ITIH2: variants seen among roughly 807,000 people sequenced by gnomAD.
The protein encoded by ITIH2 is inter-alpha-trypsin inhibitor heavy chain H2.
ITIH2 carries 103 observed loss-of-function variants against 104.4 expected under a neutral mutation model. The ratio of observed to expected loss-of-function variants is 0.99; its 90% CI spans 0.84 to 1.16. The LOEUF (loss-of-function observed/expected upper bound fraction) is 1.16. Ranked by LOEUF, ITIH2 falls within the 50% of genes most tolerant of loss-of-function variation. The pLI is 0.00. For missense variants in ITIH2, 1,108 were observed against 1,162.4 expected (o/e 0.95, Z 0.68); for synonymous variants, 436 against 435.4 (o/e 1.00, Z -0.02).
chr10:7,732,211 T>A, intron 13 of ITIH2, 127 bp from the exon 14 acceptor site: 10 of 1,136,050 alleles, frequency 8.8e-6, no homozygotes, highest in Non-Finnish European at 1.3e-5. Context: ...TGCATTTCCT[T>A]CCTCCGTAGG....
intron 6 of ITIH2, among the ~76,000 whole-genome samples, chr10:7,720,306 T>C (rs1172828433): frequency 1.3e-5 from 2 of 151,952 alleles, no homozygotes; most frequent in Admixed American, 6.6e-5. Flanking sequence ...TCAAAATAAT[T>C]ACACAAAAAT....
At chr10:7,723,007 G>A (rs1472083645) in intron 8 of ITIH2, among the ~76,000 whole-genome samples, 2 of 150,740 alleles carry the variant, frequency 1.3e-5, no homozygotes, top group African/African-American at 4.9e-5. Flanking sequence ...GCGTGAAGTC[G>A]GGTGGAGTGG....
chr10:7,719,708 C>G (rs906305264), intron 6 of ITIH2, among the ~76,000 whole-genome samples: 4 of 121,348 alleles, frequency 3.3e-5, no homozygotes, highest in Admixed American at 1.1e-4. Context: ...CTGCAGTTAG[C>G]TATGATCATG....
At chr10:7,707,275 G>C (rs764190760) in intron 3 of ITIH2, 42 bp downstream of exon 3, 1 of 1,454,544 alleles carries the variant, frequency 6.9e-7, no homozygotes, top group Non-Finnish European at 9.6e-7. Context: ...TGATTTTCCT[G>C]TTAATAATTA....
At position 7,721,707 on chromosome 10, in the gene ITIH2, A is replaced by G; in HGVS notation, c.797A>G (p.Glu266Gly). 6.2e-7 allele frequency: 1 copy of G among 1,613,856 alleles called. No individual in the cohort carries two copies. Among genetic ancestry groups the G allele is most frequent in the Non-Finnish European group, 8.5e-7 (1 of 1,179,808 alleles). Reference protein sequence around the residue: ...AQQRICPNCRETAVDGELVVL... With the variant: ...AQQRICPNCRGTAVDGELVVL... The stretch of plus-strand genomic sequence containing the variant: ...CAGAGAATATGCCCTAACTGCCGGG[A>G]GACTGCGGTAGATGGGGAACTGGTG... The change falls in exon 8 of 21, where the codon GAG (glutamate) becomes GGG (glycine). Residue 266 changes from glutamate (E) to glycine (G), a missense_variant. Glu to Gly is a moderately conservative substitution (Grantham distance 98). Transcript: ENST00000358415.
At chr10:7,724,824 A>T (rs1429880760) in intron 9 of ITIH2, among the ~76,000 whole-genome samples, 1 of 148,980 alleles carries the variant, frequency 6.7e-6, no homozygotes, top group Non-Finnish European at 1.5e-5. Flanking sequence ...GCATCATAAC[A>T]ATCAAATATA....
intron 10 of ITIH2, among the ~76,000 whole-genome samples, chr10:7,727,452 G>T (rs2130952392): frequency 6.6e-6 from 1 of 152,300 alleles, no homozygotes; most frequent in South Asian, 2.1e-4. Flanking sequence ...TGTTTAACAA[G>T]CTAACAGTCT....
chr10:7,746,697 A>G lies in ITIH2; in HGVS notation c.2686A>G (p.Ile896Val). The G allele has an allele frequency of 6.2e-7, 1 of 1,608,270 alleles. No homozygotes were observed. The highest frequency in any genetic ancestry group is 8.5e-7 in the Non-Finnish European group (1 of 1,174,854). Residue 896 changes from isoleucine to valine, a missense_variant, in exon 20 of 21, where the codon ATC becomes GTC. Ile to Val is a conservative substitution (Grantham distance 29). Coordinates refer to ENST00000358415, the MANE Select transcript of ITIH2 (RefSeq NM_002216.3). Reference sequence around the variant, plus strand: ...GGAAGTGAAGGGGCAGAAGCTGATCATCACCAGGTAGGCCTCGGGCGTAAG... The same window carrying G: ...GGAAGTGAAGGGGCAGAAGCTGATCGTCACCAGGTAGGCCTCGGGCGTAAG... ...SMEVKGQKLI[I>V]TRGLQKDYRT...
rs528128608 is a variant in ITIH2 at position 7,707,066 on chromosome 10, T to C, written c.160-135T>C. 207 of 512,384 alleles carry C rather than the reference T, an allele frequency of 4.0e-4. 2 individuals are homozygous for C. The South Asian group carries it at 8.0e-3, about 20-fold the overall frequency. The allele number at this position is 512,384 out of a possible 1,614,324, so 31.7% of individuals were successfully genotyped here. A position where few individuals can be genotyped will look rare whatever the true frequency, so the allele number is the denominator to read the frequency against. On this transcript the variant is annotated intron_variant, in intron 2 of 20. Transcript: ENST00000358415. ...TTCAAGAATATTCAATATTTATGTC[T>C]CAACTCCAGTGAATGAATAACAGCT...
rs779504113 is a variant in ITIH2, at chr10:7,749,215, C to T, written c.2722C>T (p.Leu908=). The T allele has an allele frequency of 3.1e-6, 5 of 1,614,058 alleles. No homozygotes were observed. ...CTTACAGAAAGACTACAGAACGGAT[C>T]TAGTGTTTGGAACGGACGTTACCTG... ...RGLQKDYRTD[L]VFGTDVTCWF... is the part of the protein sequence containing the mutation. The change falls in exon 21 of 21, where the codon CTA becomes TTA. Residue 908 remains leucine, a synonymous_variant. Coordinates refer to ENST00000358415, the MANE Select transcript of ITIH2 (RefSeq NM_002216.3).
At chr10:7,718,526 A>T (rs1025774456) in intron 6 of ITIH2, among the ~76,000 whole-genome samples, 1 of 149,096 alleles carries the variant, frequency 6.7e-6, no homozygotes. Context: ...TTTCTCAGTT[A>T]TTTTTTTTTT....
intron 5 of ITIH2, among the ~76,000 whole-genome samples, chr10:7,716,678 G>C (rs1191673121): frequency 6.7e-6 from 1 of 148,222 alleles, no homozygotes; most frequent in Non-Finnish European, 1.5e-5. Flanking sequence ...GGAGGTTGCA[G>C]TGAGCTGAGA....
At chr10:7,727,497 T>C (rs1834961372) in intron 10 of ITIH2, among the ~76,000 whole-genome samples, 1 of 152,182 alleles carries the variant, frequency 6.6e-6, no homozygotes, top group Admixed American at 6.5e-5. Context: ...TCTAAGGGGA[T>C]AGTTTATTTC....
chr10:7,737,231 C>G (rs1835063539), intron 15 of ITIH2, among the ~76,000 whole-genome samples: 2 of 151,248 alleles, frequency 1.3e-5, no homozygotes, highest in African/African-American at 4.9e-5. Flanking sequence ...AATTGCCTTT[C>G]AAACAGTCCA....
rs945176155 is a variant in ITIH2 at position 7,731,737 on chromosome 10, T to C, written c.1462-74T>C. 19 of 1,097,030 alleles carry C rather than the reference T, an allele frequency of 1.7e-5. No homozygotes were observed. The African/African-American group carries it at 2.7e-4, about 16-fold the overall frequency. The allele number at this position is 1,097,030 out of a possible 1,614,324, so 68.0% of individuals were successfully genotyped here. On this transcript the variant is annotated intron_variant, in intron 12 of 20. Transcript: ENST00000358415. ...GAGACATCGTCTCAAAATAAATAAATAAATAAAATAAAATGCTTTAGATCT... is the reference window on the plus strand; with the variant it reads ...GAGACATCGTCTCAAAATAAATAAACAAATAAAATAAAATGCTTTAGATCT...
chr10:7,703,798 G>A (rs1418608979), intron 1 of ITIH2, among the ~76,000 whole-genome samples: 2 of 152,174 alleles, frequency 1.3e-5, no homozygotes, highest in African/African-American at 4.8e-5. Flanking sequence ...AAAATTGGGG[G>A]TAAGAATAGA....
intron 4 of ITIH2, among the ~76,000 whole-genome samples, chr10:7,710,916 CCTT>C (rs902553352): frequency 1.3e-5 from 2 of 149,210 alleles, no homozygotes; most frequent in Admixed American, 6.8e-5. Flanking sequence ...TTTCTGTTTT[CCTT>C]CTTTTTTTTT....
chr10:7,739,151 C>T (rs1045374616), intron 16 of ITIH2, among the ~76,000 whole-genome samples: 2 of 152,154 alleles, frequency 1.3e-5, no homozygotes, highest in Non-Finnish European at 2.9e-5. Context: ...TCTCTGGCAT[C>T]TTCTCCCACA....
chr10:7,736,806 G>A (rs1835059706), intron 15 of ITIH2, among the ~76,000 whole-genome samples: 1 of 152,176 alleles, frequency 6.6e-6, no homozygotes, highest in Non-Finnish European at 1.5e-5. Context: ...CTACTTTTAA[G>A]AGAACTTGTA....
Sources: gnomAD v4.1 joint callset for allele counts (sites outside exome capture counted in the v4.1 genomes callset) on GRCh38, gnomAD v4.1.1 for gene constraint, MANE v1.5 for transcripts, NCBI Gene and HGNC (gene_info 2026-07-23, HGNC 2026-07-21) for gene names.